Variants in ACVR1 observed in about 807,000 individuals in gnomAD.
The protein encoded by ACVR1 is activin A receptor type 1.
A neutral mutation model predicts 57.1 loss-of-function variants in ACVR1; 38 were observed. The observed-to-expected ratio is 0.67, with a 90% CI of 0.51 to 0.87. ACVR1 has a LOEUF of 0.87. Among genes scored for constraint, ACVR1 ranks in the 40% least tolerant of loss-of-function variants. The pLI is 0.00. For synonymous variants in ACVR1, 212 were observed against 228.1 expected (o/e 0.93, Z 0.63); for missense variants, 463 against 638.2 (o/e 0.73, Z 2.96).
chr2:157,789,577 G>C (rs1188007335), intron 3 of ACVR1, among the ~76,000 whole-genome samples: 3 of 152,228 alleles, frequency 2.0e-5, no homozygotes, highest in African/African-American at 7.2e-5. Context: ...TCCAGAGCCT[G>C]CTTCCATCCA....
intron 8 of ACVR1, among the ~76,000 whole-genome samples, chr2:157,764,363 C>CTTTTTTTTTT (rs113156681): frequency 1.5e-5 from 2 of 133,718 alleles, no homozygotes; most frequent in African/African-American, 2.8e-5. Flanking sequence ...TATTATTTTT[C>CTTTTTTTTTT]TTTTTTTTTT....
At chr2:157,822,209 T>G (rs1164420728) in intron 1 of ACVR1, among the ~76,000 whole-genome samples, 1 of 152,224 alleles carries the variant, frequency 6.6e-6, no homozygotes, top group Non-Finnish European at 1.5e-5. Context: ...GAACATGGAC[T>G]TAGGAAGCAG....
intron 9 of ACVR1, among the ~76,000 whole-genome samples, chr2:157,742,751 C>G (rs887824174): frequency 1.3e-5 from 2 of 152,144 alleles, no homozygotes; most frequent in Non-Finnish European, 2.9e-5. Context: ...CATGAAACGC[C>G]AGTAGCCTCT....
intron 2 of ACVR1, among the ~76,000 whole-genome samples, chr2:157,805,820 C>CTTTTTTTTTTT (rs1222482675): frequency 3.3e-5 from 1 of 30,176 alleles, no homozygotes; most frequent in Non-Finnish European, 1.3e-4. Flanking sequence ...TTTCTTTTTT[C>CTTTTTTTTTTT]TTTTTTTTTT....
chr2:157,860,447 A>C (rs1339971512), intron 1 of ACVR1, among the ~76,000 whole-genome samples: 1 of 152,188 alleles, frequency 6.6e-6, no homozygotes, highest in East Asian at 1.9e-4. Flanking sequence ...GGCTACAAAG[A>C]CTTCCACTGT....
At chr2:157,817,894 C>T (rs894342418) in intron 2 of ACVR1, among the ~76,000 whole-genome samples, 8 of 151,002 alleles carry the variant, frequency 5.3e-5, no homozygotes, top group Admixed American at 1.3e-4. Context: ...CCCAGCTACT[C>T]AAGAGGCTGA....
chr2:157,759,833 G>C lies in ACVR1; in HGVS notation c.1264+1047C>G, dbSNP rs563398752. On this transcript the variant is annotated intron_variant, in intron 9 of 10. Transcript: ENST00000434821. ...GATACATCACATCAACAGAATCAAAGACAAAAACCTCATGATCATCTCAAT... is the reference window on the plus strand; with the variant it reads ...GATACATCACATCAACAGAATCAAACACAAAAACCTCATGATCATCTCAAT... 3.9e-5 allele frequency among the ~76,000 whole-genome samples: 6 copies of C among 152,160 alleles called. No homozygotes were observed. In the South Asian group the frequency reaches 6.2e-4, roughly 16 times the overall value.
chr2:157,760,581 A>ACC (rs1363465270), intron 9 of ACVR1, among the ~76,000 whole-genome samples: 9 of 152,350 alleles, frequency 5.9e-5, no homozygotes, highest in African/African-American at 2.2e-4. Context: ...CGCAAGTATT[A>ACC]CGTATCAATT....
intron 9 of ACVR1, among the ~76,000 whole-genome samples, chr2:157,746,806 C>T (rs1329114353): frequency 6.6e-6 from 1 of 152,174 alleles, no homozygotes; most frequent in African/African-American, 2.4e-5. Flanking sequence ...GTAAGAAAGC[C>T]GTTTTCTTTC....
chr2:157,827,432 T>C (rs1688424900), intron 1 of ACVR1, among the ~76,000 whole-genome samples: 1 of 152,212 alleles, frequency 6.6e-6, no homozygotes, highest in African/African-American at 2.4e-5. Flanking sequence ...TGGTTTTGTG[T>C]GTGTATATAC....
At chr2:157,819,489 T>A in intron 1 of ACVR1, 1 of 81,622 alleles carries the variant, frequency 1.2e-5, no homozygotes, top group Non-Finnish European at 2.5e-5. Flanking sequence ...AGAGCGAAAC[T>A]CTGTCTCAAA....
rs980552074 is a variant in ACVR1, at chr2:157,827,434, T to C, written c.-182-8875A>G. On this transcript the variant is annotated intron_variant, in intron 1 of 10. Transcript: ENST00000434821. ...CTCGTTTTCTCATTGGTTTTGTGTG[T>C]GTATATACTACATACCCATAATTAT... Among the ~76,000 whole-genome samples, 9 of 152,340 alleles carry C rather than the reference T, an allele frequency of 5.9e-5. No individual in the cohort carries two copies. In the South Asian group the frequency reaches 1.9e-3, roughly 32 times the overall value.
chr2:157,751,672 A>G (rs1574018520), intron 9 of ACVR1, among the ~76,000 whole-genome samples: 2 of 152,144 alleles, frequency 1.3e-5, no homozygotes, highest in African/African-American at 4.8e-5. Flanking sequence ...GGTAAGGCCT[A>G]TAACTGCTGG....
chr2:157,751,526 T>C (rs1233841837), intron 9 of ACVR1, among the ~76,000 whole-genome samples: 1 of 152,252 alleles, frequency 6.6e-6, no homozygotes, highest in Non-Finnish European at 1.5e-5. Context: ...CCTGCTTGCT[T>C]TCTCAGCTGG....
At chr2:157,852,358 C>T (rs1392624304) in intron 1 of ACVR1, among the ~76,000 whole-genome samples, 1 of 151,822 alleles carries the variant, frequency 6.6e-6, no homozygotes, top group Non-Finnish European at 1.5e-5. Flanking sequence ...ATTAGCTGGG[C>T]ATGGTGGTGC....
chr2:157,774,194 T>A lies in ACVR1; in HGVS notation c.544-7A>T, dbSNP rs752894979. The A allele has an allele frequency of 1.2e-5, 19 of 1,611,986 alleles. 1 individual carries two copies. The highest frequency in any genetic ancestry group is 8.8e-5 in the South Asian group (8 of 91,042). ...ACGAATGATCCAATAAATCCTGTGG[T>A]TTAAGACAAGGGGGAAAAGAAACGA... On this transcript the variant is annotated splice_region_variant and splice_polypyrimidine_tract_variant and intron_variant, in intron 5 of 10. Transcript: ENST00000434821.
chr2:157,807,912 C>T (rs1382861936), intron 2 of ACVR1, among the ~76,000 whole-genome samples: 1 of 142,034 alleles, frequency 7.0e-6, no homozygotes, highest in African/African-American at 2.5e-5. Flanking sequence ...GTACATTTCT[C>T]TCTTTCTCTC....
Position 157,761,092 on chromosome 2 carries a change from A to G in ACVR1, c.1067-15T>C, listed in dbSNP as rs201957669. The stretch of plus-strand genomic sequence containing the variant: ...GACTGCCAGGCCTGAAAGGAAGAAG[A>G]TAACAATGTAATCAACCCACTTCCT... On this transcript the variant is annotated splice_polypyrimidine_tract_variant and intron_variant, in intron 8 of 10. Coordinates refer to ENST00000434821, the MANE Select transcript of ACVR1 (RefSeq NM_001111067.4). 5.0e-6 allele frequency: 8 copies of G among 1,612,892 alleles called. No individual in the cohort carries two copies. Among genetic ancestry groups the G allele is most frequent in the Admixed American group, 3.3e-5 (2 of 59,990 alleles).
At chr2:157,750,550 C>T (rs1685143294) in intron 9 of ACVR1, among the ~76,000 whole-genome samples, 1 of 151,876 alleles carries the variant, frequency 6.6e-6, no homozygotes, top group African/African-American at 2.4e-5. Context: ...GTGAACACAC[C>T]CAGAATCAAA....
Sources: gnomAD v4.1 joint callset for allele counts (sites outside exome capture counted in the v4.1 genomes callset) on GRCh38, gnomAD v4.1.1 for gene constraint, MANE v1.5 for transcripts, NCBI Gene and HGNC (gene_info 2026-07-23, HGNC 2026-07-21) for gene names.